BDH1: variants seen among roughly 807,000 people sequenced by gnomAD.
BDH1 encodes the protein D-beta-hydroxybutyrate dehydrogenase, mitochondrial.
Under a neutral mutation model 33.1 loss-of-function variants are expected in BDH1, and 30 were observed. The ratio of observed to expected loss-of-function variants is 0.91; its 90% CI spans 0.68 to 1.23. The LOEUF is 1.23. Among genes scored for constraint, BDH1 ranks in the 50% most tolerant of loss-of-function variants. BDH1 has a pLI of 0.00. For missense variants in BDH1, 443 were observed against 464.4 expected, an observed-to-expected ratio of 0.95 and a Z score of 0.42; for synonymous variants, 190 against 183.6, an observed-to-expected ratio of 1.03 and a Z score of -0.28.
rs769983196 is a variant in BDH1 at position 197,523,455 on chromosome 3, CACCTGTCCTG to C, written c.268-684_268-675del. 2.4e-4 allele frequency among the ~76,000 whole-genome samples: 36 copies of C among 152,192 alleles called. No homozygotes were observed. Among genetic ancestry groups the C allele is most frequent in the Non-Finnish European group, 4.3e-4 (29 of 68,044 alleles). On this transcript the variant is annotated intron_variant, in intron 5 of 7. Coordinates refer to ENST00000392379, the MANE Select transcript of BDH1 (RefSeq NM_203314.3). The surrounding 1 kb of genome is among the most constrained non-coding windows in gnomAD (Gnocchi z 4.5). ...TCTGGCTGTAAAACAGGAACATCAC[CACCTGTCCTG>C]ACCTGCTCAGATTAATGGAGTAAGG... is the stretch of plus-strand genomic sequence containing the variant.
At chr3:197,553,659 G>A (rs1475963769) in intron 2 of BDH1, among the ~76,000 whole-genome samples, 1 of 152,164 alleles carries the variant, frequency 6.6e-6, no homozygotes, top group Non-Finnish European at 1.5e-5. Context: ...AGACCCATTA[G>A]GATCTGTGGC....
At position 197,514,789 on chromosome 3, in the gene BDH1, C is replaced by G. The variant is rs149084725; in HGVS notation, c.410-373G>C. ...CACCCTGAGTTTGAGTTTCACGCCC[C>G]GTTCCTGTTTACTCATCTCTGCCCT... On this transcript the variant is annotated intron_variant, in intron 6 of 7. Coordinates refer to ENST00000392379, the MANE Select transcript of BDH1 (RefSeq NM_203314.3). This position sits in a 1 kb window ranked among gnomAD's most constrained non-coding sequence, Gnocchi z 4.2. Among the ~76,000 whole-genome samples the G allele has an allele frequency of 6.6e-6, 1 of 152,216 alleles. No individual in the cohort carries two copies. The highest frequency in any genetic ancestry group is 2.4e-5 in the African/African-American group (1 of 41,456).
At position 197,522,029 on chromosome 3, in the gene BDH1, G is replaced by A. The variant is rs1173360338; in HGVS notation, c.409+611C>T. ...TGCTGCCACCCCCTCTGCGTGACCT[G>A]ACCCATGACTCATATTGAGGTGCCG... is the stretch of plus-strand genomic sequence containing the variant. On this transcript the variant is annotated intron_variant, in intron 6 of 7. Coordinates refer to ENST00000392379, the MANE Select transcript of BDH1 (RefSeq NM_203314.3). This position sits in a 1 kb window ranked among gnomAD's most constrained non-coding sequence, Gnocchi z 4.8. Among the ~76,000 whole-genome samples the A allele has an allele frequency of 6.6e-6, 1 of 152,038 alleles. No homozygotes were observed. Among genetic ancestry groups the A allele is most frequent in the Non-Finnish European group, 1.5e-5 (1 of 68,008 alleles).
intron 3 of BDH1, among the ~76,000 whole-genome samples, chr3:197,537,475 C>T (rs1447750263): frequency 6.6e-6 from 1 of 152,128 alleles, no homozygotes; most frequent in African/African-American, 2.4e-5. Context: ...AATATGGGGT[C>T]TTATTCCTTC....
chr3:197,549,143 A>C (rs537518479), intron 2 of BDH1, among the ~76,000 whole-genome samples: 40 of 152,298 alleles, frequency 2.6e-4, no homozygotes, highest in African/African-American at 9.6e-4. Flanking sequence ...CAGCCTTGAA[A>C]GTCAAGTAAT....
At position 197,531,104 on chromosome 3, in the gene BDH1, T is replaced by C. The variant is rs898192398; in HGVS notation, c.267+1308A>G. ...AATTAATACAAGTAGCTTTTAAAAA[T>C]AGTGCTTTGGGCCAGACGTGGTGGC... is the stretch of plus-strand genomic sequence containing the variant. On this transcript the variant is annotated intron_variant, in intron 5 of 7. Transcript: ENST00000392379. 2.0e-5 allele frequency among the ~76,000 whole-genome samples: 3 copies of C among 152,122 alleles called. No individual in the cohort carries two copies. In the East Asian group the frequency reaches 5.8e-4, roughly 29 times the overall value.
At chr3:197,562,786 T>C (rs149529891) in intron 1 of BDH1, among the ~76,000 whole-genome samples, 70 of 151,694 alleles carry the variant, frequency 4.6e-4, no homozygotes, top group African/African-American at 1.6e-3. Flanking sequence ...GGAAACAATC[T>C]GAGAATGAGG....
intron 5 of BDH1, among the ~76,000 whole-genome samples, chr3:197,527,679 A>G (rs7638381): frequency 0.43 from 65,165 of 151,832 alleles, 17,125 homozygotes; most frequent in African/African-American, 0.75. Context: ...TGTTTCTCAG[A>G]TGCACCCTGC....
chr3:197,541,397 C>T (rs750576383), intron 3 of BDH1, among the ~76,000 whole-genome samples: 1 of 152,084 alleles, frequency 6.6e-6, no homozygotes, highest in Non-Finnish European at 1.5e-5. Flanking sequence ...TGATCATGGT[C>T]GTGTGGTTAT....
At chr3:197,550,737 C>T (rs371556333) in intron 2 of BDH1, among the ~76,000 whole-genome samples, 6 of 151,126 alleles carry the variant, frequency 4.0e-5, no homozygotes, top group African/African-American at 1.5e-4. Context: ...CAGAAAGCAG[C>T]AGGGGTGGAG....
In BDH1 at chr3:197,514,344, T is replaced by G. The variant is rs750705854; in HGVS notation, c.482A>C (p.Tyr161Ser). Residue 161 changes from tyrosine to serine, a missense_variant, in exon 7 of 8, where the codon TAC (tyrosine) becomes TCC (serine). Tyr to Ser is a moderately radical substitution (Grantham distance 144, BLOSUM62 -2). Transcript: ENST00000392379. This position sits in a 1 kb window ranked among gnomAD's most constrained non-coding sequence, Gnocchi z 4.2. ...AAGGTTCACTTCTGCCACCTGCTTG[T>G]AGGTCTCCAGGCTGGTGAACTCCAC... ...GEVEFTSLET[Y>S]KQVAEVNLWG... 6.2e-7 allele frequency: 1 copy of G among 1,613,746 alleles called. No homozygotes were observed. The highest frequency in any genetic ancestry group is 8.5e-7 in the Non-Finnish European group (1 of 1,179,918).
At chr3:197,532,324 C>G in intron 5 of BDH1, 88 bp downstream of exon 5, 1 of 1,121,368 alleles carries the variant, frequency 8.9e-7, no homozygotes, top group Non-Finnish European at 1.3e-6. Flanking sequence ...CAAAGGTGAG[C>G]CAGTTGTTAG....
Position 197,511,980 on chromosome 3 carries a change from TG to T in BDH1, c.946del (p.His316ThrfsTer14). 1 of 1,610,224 alleles carries T rather than the reference TG, an allele frequency of 6.2e-7. No homozygotes were observed. Among genetic ancestry groups the T allele is most frequent in the East Asian group, 2.2e-5 (1 of 44,862 alleles). On this transcript the variant is annotated frameshift_variant, in exon 8 of 8. Coordinates refer to ENST00000392379, the MANE Select transcript of BDH1 (RefSeq NM_203314.3). LOFTEE classifies it high-confidence loss of function. ...CAGCCACCAGTAGTAGTCCATGGGG[TG>T]GTAGCGGGTGTAGGGGGTGGTGGCG... ...LTATTPYTRY[H>X]PMDYYWWLRM... is the part of the protein sequence containing the mutation.
intron 1 of BDH1, among the ~76,000 whole-genome samples, chr3:197,568,829 CAGTTTGCACTGATTG>C (rs1275954561): frequency 6.6e-6 from 1 of 151,976 alleles, no homozygotes; most frequent in East Asian, 1.9e-4. Flanking sequence ...TTCATTCATT[CAGTTTGCACTGATTG>C]AGTCCTTATA....
At position 197,514,858 on chromosome 3, in the gene BDH1, G is replaced by A. The variant is rs1712520298; in HGVS notation, c.410-442C>T. On this transcript the variant is annotated intron_variant, in intron 6 of 7. Coordinates refer to ENST00000392379, the MANE Select transcript of BDH1 (RefSeq NM_203314.3). This position sits in a 1 kb window ranked among gnomAD's most constrained non-coding sequence, Gnocchi z 4.2. Reference sequence around the variant, plus strand: ...TTCTCTTCTCTTGCCAGAAGCCAGGGAAATCACAGGGGAGGTGGGCACGAG... The same window carrying A: ...TTCTCTTCTCTTGCCAGAAGCCAGGAAAATCACAGGGGAGGTGGGCACGAG... Among the ~76,000 whole-genome samples the A allele has an allele frequency of 1.3e-5, 2 of 152,220 alleles. No individual in the cohort carries two copies. Among genetic ancestry groups the A allele is most frequent in the South Asian group, 2.1e-4 (1 of 4,832 alleles).
chr3:197,514,421 A>G lies in BDH1; in HGVS notation c.410-5T>C, dbSNP rs1176371260. On this transcript the variant is annotated splice_region_variant and splice_polypyrimidine_tract_variant and intron_variant, in intron 6 of 7. Coordinates refer to ENST00000392379, the MANE Select transcript of BDH1 (RefSeq NM_203314.3). The surrounding 1 kb of genome is among the most constrained non-coding windows in gnomAD (Gnocchi z 4.2). ...TGTTAACGAGGCCCCACATGCCTGG[A>G]CAGGAGAGGGATAGATGTGCATTTA... is the stretch of plus-strand genomic sequence containing the variant. The G allele has an allele frequency of 6.3e-7, 1 of 1,599,978 alleles. No homozygotes were observed. The highest frequency in any genetic ancestry group is 8.5e-7 in the Non-Finnish European group (1 of 1,171,906).
intron 1 of BDH1, among the ~76,000 whole-genome samples, chr3:197,563,911 G>A (rs1717346495): frequency 6.6e-6 from 1 of 151,978 alleles, no homozygotes; most frequent in South Asian, 2.1e-4. Context: ...AGACCAGCCT[G>A]GTCAACATGG....
At position 197,546,366 on chromosome 3, in the gene BDH1, TC is replaced by T. The variant is rs1272276657; in HGVS notation, c.77del (p.Gly26GlufsTer62). ...CACCACCTCTGGTTGCTTACCTTGCTCCATTTTCTCTATCACAGGCACTTAG... is the reference window on the plus strand; with the variant it reads ...CACCACCTCTGGTTGCTTACCTTGCTCATTTTCTCTATCACAGGCACTTAG... ...KTLSACDREN[G>X]ARRPLLLGST... On this transcript the variant is annotated frameshift_variant, in exon 3 of 8. Coordinates refer to ENST00000392379, the MANE Select transcript of BDH1 (RefSeq NM_203314.3). LOFTEE classifies it high-confidence loss of function. 2 of 1,614,078 alleles carry T rather than the reference TC, an allele frequency of 1.2e-6. No homozygotes were observed. The highest frequency in any genetic ancestry group is 2.7e-5 in the African/African-American group (2 of 75,020).
rs553945507 is a variant in BDH1 at position 197,520,056 on chromosome 3, G to A, written c.409+2584C>T. ...GGTGTGGGTCGGTGGCGGCCACTGC[G>A]GGTCGGAACGCTCTGGGAGGGTGCT... On this transcript the variant is annotated intron_variant, in intron 6 of 7. Coordinates refer to ENST00000392379, the MANE Select transcript of BDH1 (RefSeq NM_203314.3). The surrounding 1 kb of genome is among the most constrained non-coding windows in gnomAD (Gnocchi z 6.0). 1.2e-4 allele frequency among the ~76,000 whole-genome samples: 18 copies of A among 152,010 alleles called. No homozygotes were observed. Among genetic ancestry groups the A allele is most frequent in the Non-Finnish European group, 2.4e-4 (16 of 67,938 alleles).
Sources: allele counts gnomAD v4.1 joint callset (sites outside exome capture counted in the v4.1 genomes callset), GRCh38; gene constraint gnomAD v4.1.1; non-coding constraint Gnocchi (gnomAD v3.1); transcripts MANE v1.5; gene names NCBI Gene and HGNC (gene_info 2026-07-23, HGNC 2026-07-21).